The following SUPT3H variants were observed in gnomAD, a reference collection of about 807,000 sequenced individuals.
SUPT3H encodes transcription initiation protein SPT3 homolog.
SUPT3H carries 44 observed loss-of-function variants against 44.3 expected under a neutral mutation model. The observed-to-expected ratio is 0.99, with a 90% CI of 0.78 to 1.28. SUPT3H has a LOEUF of 1.28. Among genes scored for constraint, SUPT3H ranks in the 50% most tolerant of loss-of-function variants. SUPT3H has a pLI of 0.00. For missense variants in SUPT3H, 380 were observed against 387.1 expected (o/e 0.98, Z 0.15); for synonymous variants, 124 against 125.6 (o/e 0.99, Z 0.09).
intron 2 of SUPT3H, among the ~76,000 whole-genome samples, chr6:45,335,274 T>C (rs1788329101): frequency 6.6e-6 from 1 of 151,318 alleles, no homozygotes; most frequent in Admixed American, 6.6e-5. Flanking sequence ...ACTAAATGAT[T>C]ACAAATTATT....
At chr6:45,282,456 C>T (rs1280708443) in intron 2 of SUPT3H, among the ~76,000 whole-genome samples, 11 of 151,844 alleles carry the variant, frequency 7.2e-5, no homozygotes, top group South Asian at 2.1e-4. Context: ...CTTCAGTAGC[C>T]GATTCGATCA....
intron 9 of SUPT3H, among the ~76,000 whole-genome samples, chr6:44,946,301 A>G (rs1342935188): frequency 1.3e-5 from 2 of 152,242 alleles, no homozygotes; most frequent in African/African-American, 4.8e-5. Context: ...GCACAGTTCA[A>G]GAAATAATTT....
intron 10 of SUPT3H, among the ~76,000 whole-genome samples, chr6:44,892,544 T>C (rs1015450077): frequency 5.3e-5 from 8 of 152,190 alleles, no homozygotes; most frequent in Non-Finnish European, 8.8e-5. Flanking sequence ...AGACAAAGTC[T>C]ACAGTTAAAC....
chr6:45,018,215 G>C (rs1032560088), intron 4 of SUPT3H, among the ~76,000 whole-genome samples: 1 of 152,176 alleles, frequency 6.6e-6, no homozygotes, highest in Non-Finnish European at 1.5e-5. Context: ...AGATTTTGCT[G>C]AAGTTGCTTA....
At chr6:45,360,188 A>T (rs925566623) in intron 2 of SUPT3H, among the ~76,000 whole-genome samples, 1 of 152,200 alleles carries the variant, frequency 6.6e-6, no homozygotes, top group African/African-American at 2.4e-5. Flanking sequence ...CACTGACTAT[A>T]GGATAATATT....
intron 2 of SUPT3H, among the ~76,000 whole-genome samples, chr6:45,268,274 T>C (rs1272717494): frequency 6.6e-6 from 1 of 152,148 alleles, no homozygotes; most frequent in African/African-American, 2.4e-5. Context: ...AAGGGGTGCG[T>C]GTGGAACTCT....
At chr6:45,327,658 C>A (rs1446266825) in intron 2 of SUPT3H, among the ~76,000 whole-genome samples, 1 of 151,678 alleles carries the variant, frequency 6.6e-6, no homozygotes, top group East Asian at 1.9e-4. Context: ...AAAAGAATGC[C>A]CAGACTAACA....
intron 3 of SUPT3H, among the ~76,000 whole-genome samples, chr6:45,085,444 T>A (rs1487080497): frequency 1.3e-5 from 2 of 152,150 alleles, no homozygotes; most frequent in African/African-American, 4.8e-5. Context: ...TCTCCTTTTT[T>A]TACATCTGAC....
Position 45,116,956 on chromosome 6 carries a change from G to A in SUPT3H, c.102-10950C>T, listed in dbSNP as rs374541214. On this transcript the variant is annotated intron_variant, in intron 2 of 10. Coordinates refer to ENST00000371459, the MANE Select transcript of SUPT3H (RefSeq NM_003599.4). ...ATACATCCTCTCTAGGCTTCTTCAA[G>A]GTTAAAGACTTCCTATTTCTTATCA... Among the ~76,000 whole-genome samples the A allele has an allele frequency of 1.7e-4, 26 of 151,914 alleles. 1 individual carries two copies. The East Asian group carries it at 3.3e-3, about 19-fold the overall frequency.
intron 10 of SUPT3H, among the ~76,000 whole-genome samples, chr6:44,854,222 ATTT>A (rs745705299): frequency 6.6e-6 from 1 of 152,026 alleles, no homozygotes; most frequent in East Asian, 1.9e-4. Flanking sequence ...TGCAGGAATG[ATTT>A]TTTTTGTCTT....
At chr6:45,267,639 A>G (rs544828293) in intron 2 of SUPT3H, among the ~76,000 whole-genome samples, 1 of 152,316 alleles carries the variant, frequency 6.6e-6, no homozygotes, top group African/African-American at 2.4e-5. Context: ...ATTACAATAT[A>G]CACCATCTAC....
intron 2 of SUPT3H, among the ~76,000 whole-genome samples, chr6:45,359,087 T>C (rs1453455490): frequency 6.6e-6 from 1 of 152,148 alleles, no homozygotes; most frequent in Non-Finnish European, 1.5e-5. Context: ...TCCCTGGTAA[T>C]TACACATATA....
At chr6:45,124,930 A>G (rs1475168910) in intron 2 of SUPT3H, among the ~76,000 whole-genome samples, 2 of 152,154 alleles carry the variant, frequency 1.3e-5, no homozygotes, top group Non-Finnish European at 2.9e-5. Context: ...AGAGACAGAC[A>G]CACACAGAGG....
chr6:45,173,659 ACT>A (rs1811201951), intron 2 of SUPT3H, among the ~76,000 whole-genome samples: 1 of 152,194 alleles, frequency 6.6e-6, no homozygotes, highest in Non-Finnish European at 1.5e-5. Flanking sequence ...TGTAAACCAT[ACT>A]CTGTCAACTG....
intron 6 of SUPT3H, among the ~76,000 whole-genome samples, chr6:44,968,106 T>A (rs1024061648): frequency 1.3e-5 from 2 of 152,132 alleles, no homozygotes; most frequent in East Asian, 1.9e-4. Context: ...AAATTTTTTT[T>A]AATCTTATTC....
In SUPT3H at chr6:45,365,314, G is replaced by A. The variant is rs542517982; in HGVS notation, c.1-13C>T. On this transcript the variant is annotated splice_polypyrimidine_tract_variant and intron_variant, in intron 1 of 10. Coordinates refer to ENST00000371459, the MANE Select transcript of SUPT3H (RefSeq NM_003599.4). The stretch of plus-strand genomic sequence containing the variant: ...CCGTATTATTCATCTAAATAAAAAG[G>A]AGAAATAAAGCTTACAAAATGTACC... The A allele has an allele frequency of 3.8e-5, 60 of 1,572,488 alleles. No homozygotes were observed. The highest frequency in any genetic ancestry group is 1.7e-4 in the Middle Eastern group (1 of 5,972).
chr6:45,307,243 C>G (rs1783179066), intron 2 of SUPT3H, among the ~76,000 whole-genome samples: 1 of 152,218 alleles, frequency 6.6e-6, no homozygotes, highest in African/African-American at 2.4e-5. Flanking sequence ...ACTTAAACGT[C>G]CCTGTCTCAC....
At chr6:45,091,205 T>C (rs1174784697) in intron 3 of SUPT3H, among the ~76,000 whole-genome samples, 1 of 152,034 alleles carries the variant, frequency 6.6e-6, no homozygotes, top group Non-Finnish European at 1.5e-5. Flanking sequence ...AAGAATGCTA[T>C]TCTCTTTCCA....
chr6:44,947,189 A>T (rs909289763), intron 9 of SUPT3H, among the ~76,000 whole-genome samples: 3 of 152,224 alleles, frequency 2.0e-5, no homozygotes, highest in Admixed American at 2.0e-4. Context: ...TTTTATATGC[A>T]CCAGGAAAGC....
Sources: allele counts gnomAD v4.1 joint callset (sites outside exome capture counted in the v4.1 genomes callset), GRCh38; gene constraint gnomAD v4.1.1; transcripts MANE v1.5; gene names NCBI Gene and HGNC (gene_info 2026-07-23, HGNC 2026-07-21).